The following RCAN2 variants were observed in gnomAD, a reference collection of about 807,000 sequenced individuals.
RCAN2 encodes regulator of calcineurin 2.
Under a neutral mutation model 23.6 loss-of-function variants are expected in RCAN2, and 9 were observed. The ratio of observed to expected loss-of-function variants is 0.38; its 90% confidence interval spans 0.23 to 0.67. The LOEUF (loss-of-function observed/expected upper bound fraction) is 0.67. RCAN2 is among the 30% of genes least tolerant of loss of function. RCAN2 has a pLI of 0.51. For missense variants in RCAN2, 273 were observed against 302.3 expected, an observed-to-expected ratio of 0.90 and a Z score of 0.72; for synonymous variants, 109 against 115.7, an observed-to-expected ratio of 0.94 and a Z score of 0.37.
intron 1 of RCAN2, among the ~76,000 whole-genome samples, chr6:46,473,350 C>T (rs1484472116): frequency 1.3e-5 from 2 of 152,104 alleles, no homozygotes; most frequent in East Asian, 3.9e-4. Context: ...GACACATGCA[C>T]ACACAAACAC....
At chr6:46,337,815 T>A (rs944486021) in intron 2 of RCAN2, among the ~76,000 whole-genome samples, 1 of 152,212 alleles carries the variant, frequency 6.6e-6, no homozygotes, top group African/African-American at 2.4e-5. Flanking sequence ...GGTAGTGCCC[T>A]CTGCCTTTAT....
chr6:46,468,872 A>T, intron 1 of RCAN2: 2 of 984,812 alleles, frequency 2.0e-6, no homozygotes, highest in South Asian at 9.4e-5. Context: ...AGCTGTGTTA[A>T]ATCCGGAAGG....
intron 2 of RCAN2, among the ~76,000 whole-genome samples, chr6:46,331,275 C>G (rs1178446026): frequency 1.3e-5 from 2 of 151,940 alleles, no homozygotes; most frequent in African/African-American, 4.8e-5. Context: ...CCTCCAGAGT[C>G]ACTGGGATTA....
At chr6:46,406,137 C>G (rs924683413) in intron 2 of RCAN2, among the ~76,000 whole-genome samples, 2 of 152,182 alleles carry the variant, frequency 1.3e-5, no homozygotes, top group African/African-American at 4.8e-5. Flanking sequence ...GGTTCCTGCT[C>G]GCGCCTCTCC....
chr6:46,404,221 CAA>C (rs10708319), intron 2 of RCAN2, among the ~76,000 whole-genome samples: 8 of 147,780 alleles, frequency 5.4e-5, no homozygotes, highest in African/African-American at 1.8e-4. Context: ...GACTCTGTCT[CAA>C]AAAAAAAAAG....
At chr6:46,458,952 C>T (rs1029972578) in intron 1 of RCAN2, among the ~76,000 whole-genome samples, 9 of 152,354 alleles carry the variant, frequency 5.9e-5, no homozygotes, top group South Asian at 2.1e-4. Context: ...AGCGCAATGG[C>T]GCAATCTTGG....
At chr6:46,458,896 C>CGCGCGCGTTT (rs57335093) in intron 1 of RCAN2, among the ~76,000 whole-genome samples, 5 of 150,134 alleles carry the variant, frequency 3.3e-5, no homozygotes, top group African/African-American at 1.2e-4. Flanking sequence ...CGCGCGCGCA[C>CGCGCGCGTTT]GTGTGTGTGT....
rs553566118 is a variant in RCAN2, at chr6:46,490,917, G to GA, written c.-3+255dup. ...GGCTCCTTTGGACCCGCGCCCCCTA[G>GA]AGGGGGGTCGCGGGAGATCTCCGTC... On this transcript the variant is annotated intron_variant, in intron 1 of 4. Coordinates refer to ENST00000371374, the MANE Select transcript of RCAN2 (RefSeq NM_001251974.2). Among the ~76,000 whole-genome samples the GA allele has an allele frequency of 1.2e-4, 19 of 152,056 alleles. No individual in the cohort carries two copies. The South Asian group carries it at 3.9e-3, about 32-fold the overall frequency.
intron 2 of RCAN2, among the ~76,000 whole-genome samples, chr6:46,434,994 T>C (rs1278862961): frequency 6.6e-6 from 1 of 152,236 alleles, no homozygotes; most frequent in East Asian, 1.9e-4. Flanking sequence ...ATATTAGTTA[T>C]ATTTCTGGCA....
chr6:46,239,618 C>A (rs1204341809), intron 4 of RCAN2, among the ~76,000 whole-genome samples: 1 of 152,084 alleles, frequency 6.6e-6, no homozygotes, highest in African/African-American at 2.4e-5. Flanking sequence ...TTTCCTCCCC[C>A]TCCTCAGTTC....
intron 1 of RCAN2, among the ~76,000 whole-genome samples, chr6:46,477,379 A>G (rs1007467000): frequency 2.6e-5 from 4 of 152,186 alleles, no homozygotes; most frequent in African/African-American, 4.8e-5. Flanking sequence ...TGGGTAACAC[A>G]TAAAAGCTAG....
At chr6:46,262,054 G>C (rs1245469999) in intron 2 of RCAN2, among the ~76,000 whole-genome samples, 1 of 152,058 alleles carries the variant, frequency 6.6e-6, no homozygotes, top group Non-Finnish European at 1.5e-5. Context: ...CACCTCTACT[G>C]TCTTTTAGAC....
intron 2 of RCAN2, among the ~76,000 whole-genome samples, chr6:46,428,495 A>G (rs569290558): frequency 1.1e-4 from 17 of 152,352 alleles, no homozygotes; most frequent in Non-Finnish European, 2.4e-4. Context: ...CTCAATAAAT[A>G]TCTGCTAAAT....
chr6:46,309,903 C>G (rs918145496), intron 2 of RCAN2, among the ~76,000 whole-genome samples: 3 of 152,118 alleles, frequency 2.0e-5, no homozygotes, highest in African/African-American at 7.2e-5. Flanking sequence ...TTGCAGGTGG[C>G]CAATTTTGCA....
intron 2 of RCAN2, among the ~76,000 whole-genome samples, chr6:46,444,759 C>T (rs1307451529): frequency 2.6e-5 from 4 of 152,140 alleles, no homozygotes; most frequent in South Asian, 2.1e-4. Context: ...TAGGTCCATC[C>T]CAGTAGACCT....
intron 2 of RCAN2, among the ~76,000 whole-genome samples, chr6:46,360,735 G>A (rs1030179771): frequency 6.6e-6 from 1 of 152,088 alleles, no homozygotes; most frequent in African/African-American, 2.4e-5. Context: ...AATTTGTTTG[G>A]TACCAAATAG....
intron 2 of RCAN2, among the ~76,000 whole-genome samples, chr6:46,423,223 T>C (rs1766932739): frequency 6.6e-6 from 1 of 152,154 alleles, no homozygotes; most frequent in African/African-American, 2.4e-5. Context: ...TTAAGATAAT[T>C]TGCCTTCTTA....
At chr6:46,298,153 A>T (rs950248978) in intron 2 of RCAN2, among the ~76,000 whole-genome samples, 3 of 152,150 alleles carry the variant, frequency 2.0e-5, no homozygotes, top group Non-Finnish European at 4.4e-5. Context: ...TCTAAAATGC[A>T]ATTATCTTCT....
Position 46,397,644 on chromosome 6 carries a change from AAAT to A in RCAN2, c.225+59105_225+59107del, listed in dbSNP as rs562255827. On this transcript the variant is annotated intron_variant, in intron 2 of 4. Transcript: ENST00000371374. ...AAAATGTTATGCATTGATTTAGTTA[AAAT>A]AATAATAGACCCTTTACATGTAAAA... 2.6e-4 allele frequency among the ~76,000 whole-genome samples: 40 copies of A among 152,290 alleles called. 1 individual carries two copies. In the East Asian group the frequency reaches 7.7e-3, roughly 29 times the overall value.
Sources: allele counts gnomAD v4.1 joint callset (sites outside exome capture counted in the v4.1 genomes callset), GRCh38; gene constraint gnomAD v4.1.1; transcripts MANE v1.5; gene names NCBI Gene and HGNC (gene_info 2026-07-23, HGNC 2026-07-21).